Variants in MAST2 observed in about 807,000 individuals in gnomAD.
The protein encoded by MAST2 is microtubule-associated serine/threonine-protein kinase 2.
Under a neutral mutation model 147.4 loss-of-function variants are expected in MAST2, and 70 were observed. The ratio of observed to expected loss-of-function variants is 0.47; its 90% CI spans 0.39 to 0.58. MAST2 has a LOEUF of 0.58. MAST2 is among the 20% of genes least tolerant of loss of function. MAST2 has a pLI of 0.00. For missense variants in MAST2, 2,080 were observed against 2,302.3 expected, an observed-to-expected ratio of 0.90 and a Z score of 1.98; for synonymous variants, 869 against 896.8, an observed-to-expected ratio of 0.97 and a Z score of 0.55.
chr1:46,029,910 T>C lies in MAST2; in HGVS notation c.2400T>C (p.Phe800=), dbSNP rs779783770. Residue 800 remains phenylalanine, a synonymous_variant, in exon 20 of 29, where the codon TTT becomes TTC. Transcript: ENST00000361297. ...WTGLLRQKAE[F]IPQLESEDDT... ...GACTTCTCCGCCAGAAGGCTGAATTTATTCCTCAGTTGGAGTCAGAGGATG... is the reference window on the plus strand; with the variant it reads ...GACTTCTCCGCCAGAAGGCTGAATTCATTCCTCAGTTGGAGTCAGAGGATG... 6.2e-7 allele frequency: 1 copy of C among 1,614,184 alleles called. No homozygotes were observed. Among genetic ancestry groups the C allele is most frequent in the South Asian group, 1.1e-5 (1 of 91,086 alleles).
intron 4 of MAST2, chr1:45,913,762 T>C: frequency 1.8e-6 from 2 of 1,085,504 alleles, no homozygotes; most frequent in Non-Finnish European, 1.1e-6. Flanking sequence ...CAGAACTGCA[T>C]ACCCCTTGTG....
chr1:45,932,379 G>A lies in MAST2; in HGVS notation c.501-27007G>A, dbSNP rs545901139. On this transcript the variant is annotated intron_variant, in intron 4 of 28. Coordinates refer to ENST00000361297, the MANE Select transcript of MAST2 (RefSeq NM_015112.3). ...CATTTTTCACTTACTTTATTATACTGTATAAATTCAGTGGACTTTTGACTG... is the reference window on the plus strand; with the variant it reads ...CATTTTTCACTTACTTTATTATACTATATAAATTCAGTGGACTTTTGACTG... 2.2e-4 allele frequency among the ~76,000 whole-genome samples: 34 copies of A among 152,162 alleles called. 1 individual carries two copies. The South Asian group carries it at 2.5e-3, about 11-fold the overall frequency.
intron 3 of MAST2, among the ~76,000 whole-genome samples, chr1:45,864,259 G>A (rs760346383): frequency 2.6e-5 from 4 of 152,122 alleles, no homozygotes; most frequent in Non-Finnish European, 4.4e-5. Flanking sequence ...AATGGGGAGC[G>A]TTTCCTGTGA....
Position 46,035,966 on chromosome 1 carries a change from A to G in MAST2, c.5297A>G (p.Gln1766Arg), listed in dbSNP as rs375570368. Reference protein sequence around the residue: ...DVPCRGCPLTQKSEPSLRRGQ... With the variant: ...DVPCRGCPLTRKSEPSLRRGQ... ...CCATGCCGAGGCTGCCCCCTCACCC[A>G]GAAGTCTGAGCCCAGCCTCAGGAGG... Residue 1766 changes from glutamine (Q) to arginine (R), a missense_variant, in exon 29 of 29, where the codon CAG (glutamine) becomes CGG (arginine). This residue lies in a region of MAST2 where 1,278 missense variants were observed against 1,304.2 expected (regional missense o/e 0.98). Coordinates refer to ENST00000361297, the MANE Select transcript of MAST2 (RefSeq NM_015112.3). The surrounding 1 kb of genome is among the most constrained non-coding windows in gnomAD (Gnocchi z 5.5). 19 of 1,613,940 alleles carry G rather than the reference A, an allele frequency of 1.2e-5. No individual in the cohort carries two copies. In the East Asian group the frequency reaches 3.1e-4, roughly 27 times the overall value.
intron 3 of MAST2, among the ~76,000 whole-genome samples, chr1:45,834,651 A>G (rs1213037227): frequency 6.6e-6 from 1 of 152,168 alleles, no homozygotes; most frequent in African/African-American, 2.4e-5. Flanking sequence ...TCTGTTGTTA[A>G]AAGTGGCATA....
intron 2 of MAST2, among the ~76,000 whole-genome samples, chr1:45,825,494 A>C (rs1484239690): frequency 6.6e-6 from 1 of 150,388 alleles, no homozygotes; most frequent in South Asian, 2.1e-4. Flanking sequence ...GTTTAGTGGC[A>C]TGATGTCTGC....
At chr1:45,898,058 G>T (rs1005408238) in intron 4 of MAST2, among the ~76,000 whole-genome samples, 2 of 151,068 alleles carry the variant, frequency 1.3e-5, no homozygotes, top group Non-Finnish European at 1.5e-5. Flanking sequence ...GCAGGGAGCC[G>T]AGATGGCTCC....
intron 3 of MAST2, among the ~76,000 whole-genome samples, chr1:45,852,407 G>T (rs1477190139): frequency 1.3e-5 from 2 of 151,994 alleles, no homozygotes; most frequent in Admixed American, 6.6e-5. Flanking sequence ...TGTCCCCCAG[G>T]CTGGAGTGTG....
chr1:46,000,545 G>GT (rs1271913793), intron 6 of MAST2, among the ~76,000 whole-genome samples: 1 of 152,212 alleles, frequency 6.6e-6, no homozygotes, highest in East Asian at 1.9e-4. Context: ...TCAGGGCCTG[G>GT]TTTTTTACCA....
intron 4 of MAST2, among the ~76,000 whole-genome samples, chr1:45,941,869 T>C (rs921400827): frequency 6.6e-5 from 10 of 152,236 alleles, no homozygotes; most frequent in African/African-American, 2.4e-4. Flanking sequence ...ATTCTTGTAA[T>C]ATATTGTAAC....
At chr1:45,863,557 G>T (rs1646049357) in intron 3 of MAST2, among the ~76,000 whole-genome samples, 1 of 152,262 alleles carries the variant, frequency 6.6e-6, no homozygotes, top group South Asian at 2.1e-4. Flanking sequence ...CAGCAGTGTG[G>T]CAATTTCTTA....
chr1:45,828,545 A>T (rs1214510745), intron 2 of MAST2, among the ~76,000 whole-genome samples: 1 of 152,246 alleles, frequency 6.6e-6, no homozygotes, highest in Non-Finnish European at 1.5e-5. Flanking sequence ...AATGACATGA[A>T]CACATTTTTG....
At chr1:45,816,206 G>GGAGAGAGAGATAGAAAGA (rs537960587) in intron 1 of MAST2, among the ~76,000 whole-genome samples, 1 of 137,320 alleles carries the variant, frequency 7.3e-6, no homozygotes, top group Non-Finnish European at 1.5e-5. Flanking sequence ...GGGGTGGGGG[G>GGAGAGAGAGATAGAAAGA]GAGAGAGAGA....
At chr1:45,913,159 T>G (rs1016061714) in intron 4 of MAST2, among the ~76,000 whole-genome samples, 2 of 152,032 alleles carry the variant, frequency 1.3e-5, no homozygotes, top group Non-Finnish European at 2.9e-5. Context: ...TCTGAAGGAG[T>G]ACAGTTTAGT....
At chr1:45,815,822 C>T (rs1476174113) in intron 1 of MAST2, among the ~76,000 whole-genome samples, 3 of 152,186 alleles carry the variant, frequency 2.0e-5, no homozygotes, top group Non-Finnish European at 2.9e-5. Context: ...CACTTCCACT[C>T]ATATTCCATT....
intron 1 of MAST2, among the ~76,000 whole-genome samples, chr1:45,816,481 C>T (rs959333924): frequency 4.6e-5 from 7 of 151,992 alleles, no homozygotes; most frequent in African/African-American, 1.7e-4. Flanking sequence ...ATTCAAAATA[C>T]CCATTTTGAG....
In MAST2 at chr1:45,876,786, A is replaced by G. The variant is rs188705582; in HGVS notation, c.469-5578A>G. On this transcript the variant is annotated intron_variant, in intron 3 of 28. Transcript: ENST00000361297. ...CTGGGCATCAAATGCAGGCTTTTGTATAGGTGTAAGGAAGTCGGAAGGGAT... is the reference window on the plus strand; with the variant it reads ...CTGGGCATCAAATGCAGGCTTTTGTGTAGGTGTAAGGAAGTCGGAAGGGAT... Among the ~76,000 whole-genome samples, 86 of 152,234 alleles carry G rather than the reference A, an allele frequency of 5.6e-4. No homozygotes were observed. The South Asian group carries it at 6.4e-3, about 11-fold the overall frequency.
rs540382419 is a variant in MAST2, at chr1:45,850,353, C to T, written c.468+20772C>T. Among the ~76,000 whole-genome samples the T allele has an allele frequency of 2.6e-5, 4 of 152,282 alleles. No individual in the cohort carries two copies. In the South Asian group the frequency reaches 8.3e-4, roughly 32 times the overall value. On this transcript the variant is annotated intron_variant, in intron 3 of 28. Transcript: ENST00000361297. Reference sequence around the variant, plus strand: ...TAGAGTCTAGATATTAGACCTTTGTCAGATGCATAGTTTGCAAATATTTTC... The same window carrying T: ...TAGAGTCTAGATATTAGACCTTTGTTAGATGCATAGTTTGCAAATATTTTC...
chr1:46,022,348 A>G (rs1646224361), intron 12 of MAST2, among the ~76,000 whole-genome samples: 1 of 152,230 alleles, frequency 6.6e-6, no homozygotes, highest in Non-Finnish European at 1.5e-5. Context: ...CAAAGAGGTC[A>G]ACAACAAAGG....
Sources: gnomAD v4.1 joint callset for allele counts (sites outside exome capture counted in the v4.1 genomes callset) on GRCh38, gnomAD v4.1.1 for gene constraint, gnomAD v4.1.1 regional missense constraint, Gnocchi (gnomAD v3.1) non-coding constraint, MANE v1.5 for transcripts, NCBI Gene and HGNC (gene_info 2026-07-23, HGNC 2026-07-21) for gene names.